Variants in KIF13B observed in about 807,000 individuals in gnomAD.
KIF13B encodes kinesin family member 13B.
A neutral mutation model predicts 222.0 loss-of-function variants in KIF13B; 127 were observed. The ratio of observed to expected loss-of-function variants is 0.57; its 90% CI spans 0.50 to 0.66. The LOEUF (loss-of-function observed/expected upper bound fraction) is 0.66, where lower values mean the gene tolerates loss of function less well. Ranked by LOEUF, KIF13B falls within the 30% of genes least tolerant of loss-of-function variation. The pLI, the probability that KIF13B is intolerant of heterozygous loss-of-function variation, is 0.00. For missense variants in KIF13B, 2,173 were observed against 2,379.0 expected, an observed-to-expected ratio of 0.91 and a Z score of 1.80; for synonymous variants, 976 against 919.0, an observed-to-expected ratio of 1.06 and a Z score of -1.12.
At chr8:29,089,393 C>T (rs890527756) in intron 37 of KIF13B, among the ~76,000 whole-genome samples, 5 of 152,290 alleles carry the variant, frequency 3.3e-5, no homozygotes, top group Admixed American at 6.5e-5. Context: ...GAGCTATCAT[C>T]GCACCACTGC....
rs1422892673 is a variant in KIF13B, at chr8:29,134,036, TCA to T, written c.2784+2_2784+3del. The T allele has an allele frequency of 1.2e-6, 2 of 1,609,988 alleles. No individual in the cohort carries two copies. Among genetic ancestry groups the T allele is most frequent in the African/African-American group, 2.7e-5 (2 of 74,786 alleles). On this transcript the variant is annotated splice_donor_variant and splice_donor_region_variant and intron_variant, in intron 22 of 39. Transcript: ENST00000524189. LOFTEE classifies it high-confidence loss of function. ...TGCTGACCTACTCTGGAAAACAAAC[TCA>T]CATTGCAATGATCAAAGACAACCAT...
intron 12 of KIF13B, 61 bp from the exon 13 acceptor site, chr8:29,160,928 C>T (rs1426080130): frequency 5.0e-6 from 7 of 1,398,700 alleles, no homozygotes; most frequent in Non-Finnish European, 7.0e-6. Flanking sequence ...GATATCCAAG[C>T]GTTTACATTA....
rs758444220 is a variant in KIF13B, at chr8:29,147,600, G to A, written c.1816C>T (p.Pro606Ser). Residue 606 changes from proline (P) to serine (S), a missense_variant and splice_region_variant, in exon 17 of 40, where the codon CCG becomes TCG. Around this residue, in one of 2 missense-constraint regions of KIF13B, gnomAD observed 1,480 missense variants for 1,722.8 expected, o/e 0.86. Coordinates refer to ENST00000524189, the MANE Select transcript of KIF13B (RefSeq NM_015254.4). ...VTMKALGSND[P>S]MQSILNSLEQ... ...AAGCTGTTTAATATGGACTGCATCG[G>A]ATCTAAACACATTTTTAAAAAAGAT... 3 of 1,606,776 alleles carry A rather than the reference G, an allele frequency of 1.9e-6. No individual in the cohort carries two copies. Among genetic ancestry groups the A allele is most frequent in the Non-Finnish European group, 2.6e-6 (3 of 1,175,404 alleles).
Position 29,072,192 on chromosome 8 carries a change from G to T in KIF13B, c.4646C>A (p.Pro1549Gln). 4 of 1,446,914 alleles carry T rather than the reference G, an allele frequency of 2.8e-6. No individual in the cohort carries two copies. Among genetic ancestry groups the T allele is most frequent in the Non-Finnish European group, 3.6e-6 (4 of 1,101,110 alleles). The allele number at this position is 1,446,914 out of a possible 1,614,324, so 89.6% of individuals were successfully genotyped here. ...PPVIAVTAVT[P>Q]APEAQDGPPS... ...GGGCCCGTCCTGTGCCTCCGGAGCC[G>T]GGGTGACCGCTGTGACAGCTATGAC... Residue 1549 changes from proline (P) to glutamine (Q), a missense_variant, in exon 39 of 40, where the codon CCG becomes CAG. This residue lies in a region of KIF13B where 693 missense variants were observed against 656.2 expected (regional missense o/e 1.06). Transcript: ENST00000524189.
At chr8:29,099,557 T>C (rs1030151656) in intron 35 of KIF13B, among the ~76,000 whole-genome samples, 11 of 152,130 alleles carry the variant, frequency 7.2e-5, no homozygotes, top group Non-Finnish European at 5.9e-5. Flanking sequence ...TTACTACTTT[T>C]GTAGAGACGG....
chr8:29,165,561 A>G, intron 12 of KIF13B, 101 bp downstream of exon 12: 1 of 703,454 alleles, frequency 1.4e-6, no homozygotes, highest in East Asian at 2.5e-5. Context: ...GAGATTTGCC[A>G]TCAGCCAAGC....
At chr8:29,176,455 T>G (rs1246932673) in intron 9 of KIF13B, among the ~76,000 whole-genome samples, 1 of 152,218 alleles carries the variant, frequency 6.6e-6, no homozygotes, top group East Asian at 1.9e-4. Flanking sequence ...CATGTATCTT[T>G]AAGAAAGGAA....
chr8:29,183,191 A>G (rs577810506), intron 6 of KIF13B, among the ~76,000 whole-genome samples: 14 of 122,184 alleles, frequency 1.1e-4, no homozygotes, highest in African/African-American at 4.2e-4. Flanking sequence ...TTTTTTTCCA[A>G]TGGAGTCTTG....
rs1811310846 is a variant in KIF13B, at chr8:29,151,830, A to T, written c.1536-1447T>A. Among the ~76,000 whole-genome samples the T allele has an allele frequency of 1.3e-5, 2 of 152,244 alleles. 1 individual carries two copies. Among genetic ancestry groups the T allele is most frequent in the Non-Finnish European group, 2.9e-5 (2 of 68,040 alleles). On this transcript the variant is annotated intron_variant, in intron 14 of 39. Transcript: ENST00000524189. Reference sequence around the variant, plus strand: ...CATCCACTCTGCAGCCCATGGATCAAGAATTTTCACTTTCAAGTCTTATCA... The same window carrying T: ...CATCCACTCTGCAGCCCATGGATCATGAATTTTCACTTTCAAGTCTTATCA...
At chr8:29,131,384 G>A (rs1233765646) in intron 23 of KIF13B, among the ~76,000 whole-genome samples, 2 of 151,260 alleles carry the variant, frequency 1.3e-5, no homozygotes, top group East Asian at 1.9e-4. Flanking sequence ...TTGTCTTTTC[G>A]TAGATAGACA....
At chr8:29,084,718 A>G (rs577117475) in intron 37 of KIF13B, among the ~76,000 whole-genome samples, 1 of 152,374 alleles carries the variant, frequency 6.6e-6, no homozygotes, top group East Asian at 1.9e-4. Flanking sequence ...AAACTTCTAG[A>G]TACATGAAAA....
chr8:29,210,152 G>T (rs1341959740), intron 2 of KIF13B, among the ~76,000 whole-genome samples: 1 of 152,066 alleles, frequency 6.6e-6, no homozygotes, highest in Admixed American at 6.6e-5. Flanking sequence ...GGAAGAAATG[G>T]GAAATATAAT....
intron 12 of KIF13B, among the ~76,000 whole-genome samples, chr8:29,164,814 T>C (rs1811920230): frequency 6.6e-6 from 1 of 151,934 alleles, no homozygotes; most frequent in Admixed American, 6.6e-5. Context: ...CTTAACTAGA[T>C]CTTCCTAGAC....
chr8:29,217,884 A>G (rs903292214), intron 2 of KIF13B, among the ~76,000 whole-genome samples: 2 of 152,178 alleles, frequency 1.3e-5, no homozygotes, highest in Non-Finnish European at 2.9e-5. Context: ...AAGATGGTTC[A>G]TTATAATTTT....
rs114328086 is a variant in KIF13B at position 29,090,500 on chromosome 8, G to C, written c.4458+2245C>G. ...GAAGGAAGTTGCACTGAAGCCTGGA[G>C]ATGTAAGTGTTTCCAGCATTATGTT... On this transcript the variant is annotated intron_variant, in intron 37 of 39. Coordinates refer to ENST00000524189, the MANE Select transcript of KIF13B (RefSeq NM_015254.4). Among the ~76,000 whole-genome samples, 715 of 152,242 alleles carry C rather than the reference G, an allele frequency of 4.7e-3. 4 individuals are homozygous for C. Among genetic ancestry groups the C allele is most frequent in the African/African-American group, 0.016 (681 of 41,542 alleles).
chr8:29,222,513 GACTTTTTTTTTTT>G (rs1814799708), intron 2 of KIF13B, among the ~76,000 whole-genome samples: 3 of 95,730 alleles, frequency 3.1e-5, no homozygotes, highest in Admixed American at 1.3e-4. Context: ...TCCCACACCT[GACTTTTTTTTTTT>G]TTTTTTTTTT....
chr8:29,147,143 C>T (rs1375282697), intron 17 of KIF13B, among the ~76,000 whole-genome samples: 1 of 152,172 alleles, frequency 6.6e-6, no homozygotes, highest in Admixed American at 6.5e-5. Flanking sequence ...CTTCTATATC[C>T]AAATCCAAAA....
intron 2 of KIF13B, among the ~76,000 whole-genome samples, chr8:29,233,769 G>A (rs979751283): frequency 4.6e-5 from 7 of 152,166 alleles, no homozygotes; most frequent in African/African-American, 1.4e-4. Flanking sequence ...TAGGAGGACT[G>A]CTTGAGCCCA....
At chr8:29,125,904 C>T (rs893889370) in intron 26 of KIF13B, among the ~76,000 whole-genome samples, 1 of 151,994 alleles carries the variant, frequency 6.6e-6, no homozygotes, top group Non-Finnish European at 1.5e-5. Context: ...GTCAGGAATT[C>T]GGGACCAGCC....
Sources: gnomAD v4.1 joint callset for allele counts (sites outside exome capture counted in the v4.1 genomes callset) on GRCh38, gnomAD v4.1.1 for gene constraint, gnomAD v4.1.1 regional missense constraint, MANE v1.5 for transcripts, NCBI Gene and HGNC (gene_info 2026-07-23, HGNC 2026-07-21) for gene names.